TBC1D16: variants seen among roughly 807,000 people sequenced by gnomAD.
TBC1D16 encodes CTD-2529O21.1.
In TBC1D16, 58 loss-of-function variants were observed where a neutral mutation model predicts 74.7. The ratio of observed to expected loss-of-function variants is 0.78; its 90% CI spans 0.63 to 0.97. The LOEUF is 0.97. TBC1D16 is among the 50% of genes least tolerant of loss of function. TBC1D16 has a pLI of 0.00. For missense variants in TBC1D16, 1,014 were observed against 1,079.5 expected, an observed-to-expected ratio of 0.94 and a Z score of 0.85; for synonymous variants, 493 against 474.7, an observed-to-expected ratio of 1.04 and a Z score of -0.50.
chr17:79,984,449 T>C (rs1467695831), intron 3 of TBC1D16, among the ~76,000 whole-genome samples: 2 of 151,918 alleles, frequency 1.3e-5, no homozygotes, highest in Non-Finnish European at 2.9e-5. Flanking sequence ...CACCAAAAAG[T>C]TAACGGTGGT....
chr17:80,027,202 C>T (rs1471526598), intron 1 of TBC1D16, among the ~76,000 whole-genome samples: 1 of 152,352 alleles, frequency 6.6e-6, no homozygotes, highest in Admixed American at 6.5e-5. Context: ...TAGCTCATGT[C>T]TGCAATCCTA....
intron 1 of TBC1D16, among the ~76,000 whole-genome samples, chr17:80,013,992 C>CA (rs1006043617): frequency 3.7e-4 from 56 of 150,076 alleles, no homozygotes; most frequent in East Asian, 1.4e-3. Context: ...GTTTTTTTCA[C>CA]AAAAAAAAAC....
intron 3 of TBC1D16, among the ~76,000 whole-genome samples, chr17:79,970,829 TGTAC>T (rs1033862136): frequency 7.2e-6 from 1 of 139,690 alleles, no homozygotes; most frequent in Non-Finnish European, 1.6e-5. Flanking sequence ...CACCAGTCCT[TGTAC>T]GAGTCCCAGT....
chr17:79,972,700 G>A lies in TBC1D16; in HGVS notation c.780-19882C>T, dbSNP rs944006588. On this transcript the variant is annotated intron_variant, in intron 3 of 11. Transcript: ENST00000310924. Reference sequence around the variant, plus strand: ...TTAACGGGAACAGAGTTTCGGTTGGGAAGATGAAAAAGTTCTGGAGGTGGA... The same window carrying A: ...TTAACGGGAACAGAGTTTCGGTTGGAAAGATGAAAAAGTTCTGGAGGTGGA... 3.9e-5 allele frequency among the ~76,000 whole-genome samples: 6 copies of A among 152,158 alleles called. 1 individual carries two copies. The highest frequency in any genetic ancestry group is 3.3e-4 in the Admixed American group (5 of 15,274).
At position 80,035,305 on chromosome 17, in the gene TBC1D16, CG is replaced by C. The variant is rs952730202; in HGVS notation, c.-63+489del. The stretch of plus-strand genomic sequence containing the variant: ...GAACGGAAGTGAGTATCCCGACACG[CG>C]GATCTTAAACAGCCCAGACCACCAA... On this transcript the variant is annotated intron_variant, in intron 1 of 11. Coordinates refer to ENST00000310924, the MANE Select transcript of TBC1D16 (RefSeq NM_019020.4). This position sits in a 1 kb window ranked among gnomAD's most constrained non-coding sequence, Gnocchi z 5.3. 9.9e-5 allele frequency among the ~76,000 whole-genome samples: 15 copies of C among 151,524 alleles called. No individual in the cohort carries two copies. Among genetic ancestry groups the C allele is most frequent in the African/African-American group, 3.4e-4 (14 of 41,206 alleles).
rs1377577754 is a variant in TBC1D16, at chr17:79,932,460, G to C, written c.*8399C>G. The C allele has an allele frequency of 6.6e-6, 1 of 152,244 alleles. No homozygotes were observed. The highest frequency in any genetic ancestry group is 1.5e-5 in the Non-Finnish European group (1 of 68,066). 9.4% of individuals were successfully genotyped at this position (152,244 alleles called of 1,614,324 possible). On this transcript the variant is annotated 3_prime_UTR_variant, in exon 12 of 12. Coordinates refer to ENST00000310924, the MANE Select transcript of TBC1D16 (RefSeq NM_019020.4). ...TCCTCTGCCCGGTCCCCTGTAGCTA[G>C]TGTCCAGACACTGGTCACAGACCTC...
Position 79,932,660 on chromosome 17 carries a change from AC to A in TBC1D16, c.*8198del, listed in dbSNP as rs879427704. 1.3e-5 allele frequency: 2 copies of A among 152,248 alleles called. No individual in the cohort carries two copies. The highest frequency in any genetic ancestry group is 2.9e-5 in the Non-Finnish European group (2 of 68,044). 9.4% of individuals were successfully genotyped at this position (152,248 alleles called of 1,614,324 possible). On this transcript the variant is annotated 3_prime_UTR_variant, in exon 12 of 12. Transcript: ENST00000310924. ...TGTGCTTGTTCATGGCCAGGAATCA[AC>A]GAACTTTGGACAGACAATCAGTAGA...
At position 80,013,380 on chromosome 17, in the gene TBC1D16, C is replaced by T. The variant is rs1212002243; in HGVS notation, c.168G>A (p.Gly56=). Residue 56 remains glycine, a synonymous_variant, in exon 2 of 12, where the codon GGG becomes GGA. Coordinates refer to ENST00000310924, the MANE Select transcript of TBC1D16 (RefSeq NM_019020.4). The part of the protein sequence containing the change: ...VHPPEGLQGL[G]EHHPGYLCLY... The stretch of plus-strand genomic sequence containing the variant: ...GCCCTGGCTCACCTGGGTGGTGCTC[C>T]CCCAGCCCCTGCAGCCCCTCCGGCG... The T allele has an allele frequency of 6.2e-7, 1 of 1,606,334 alleles. No individual in the cohort carries two copies. The highest frequency in any genetic ancestry group is 2.2e-5 in the East Asian group (1 of 44,672).
chr17:79,982,752 G>A (rs560955949), intron 3 of TBC1D16, among the ~76,000 whole-genome samples: 7 of 152,056 alleles, frequency 4.6e-5, no homozygotes, highest in South Asian at 2.1e-4. Context: ...CCAGCTACTC[G>A]GGAGGCTGAG....
In TBC1D16 at chr17:79,950,198, GGTGTT is replaced by G. The variant is rs890238667; in HGVS notation, c.1257+208_1257+212del. Reference sequence around the variant, plus strand: ...GGTATCCCCCCAAACCCTCGAGGGAGGTGTTGTGTTTTGTTTTTTTTTTTCAACGC... The same window carrying G: ...GGTATCCCCCCAAACCCTCGAGGGAGGTGTTTTGTTTTTTTTTTTCAACGC... On this transcript the variant is annotated intron_variant, in intron 6 of 11. Transcript: ENST00000310924. This position sits in a 1 kb window ranked among gnomAD's most constrained non-coding sequence, Gnocchi z 4.6. 3.9e-5 allele frequency among the ~76,000 whole-genome samples: 6 copies of G among 152,092 alleles called. No homozygotes were observed. Among genetic ancestry groups the G allele is most frequent in the African/African-American group, 9.7e-5 (4 of 41,442 alleles).
In TBC1D16 at chr17:80,001,959, A is replaced by G. The variant is rs2035503877; in HGVS notation, c.779+8201T>C. ...CCCGGAACAAAGACGGGAAGGGCAA[A>G]GTGTGTCCTGATTCGTGTGCCACCG... On this transcript the variant is annotated intron_variant, in intron 3 of 11. Transcript: ENST00000310924. The surrounding 1 kb of genome is among the most constrained non-coding windows in gnomAD (Gnocchi z 5.8). Among the ~76,000 whole-genome samples the G allele has an allele frequency of 6.6e-6, 1 of 152,110 alleles. No individual in the cohort carries two copies. Among genetic ancestry groups the G allele is most frequent in the African/African-American group, 2.4e-5 (1 of 41,404 alleles).
chr17:79,943,486 G>T (rs1362692556), intron 10 of TBC1D16, among the ~76,000 whole-genome samples: 1 of 152,136 alleles, frequency 6.6e-6, no homozygotes, highest in African/African-American at 2.4e-5. Flanking sequence ...TCGCTCAGGG[G>T]TCACTGAACA....
intron 4 of TBC1D16, 75 bp downstream of exon 4, chr17:79,952,582 C>T (rs117194926): frequency 0.018 from 27,108 of 1,521,630 alleles, 315 homozygotes; most frequent in Non-Finnish European, 0.02. Context: ...TGCACTGCAC[C>T]GGCTGCAAAG....
In TBC1D16 at chr17:80,009,208, CT is replaced by C. The variant is rs2035787969; in HGVS notation, c.779+951del. 6.6e-6 allele frequency among the ~76,000 whole-genome samples: 1 copy of C among 152,246 alleles called. No individual in the cohort carries two copies. Among genetic ancestry groups the C allele is most frequent in the African/African-American group, 2.4e-5 (1 of 41,470 alleles). On this transcript the variant is annotated intron_variant, in intron 3 of 11. Coordinates refer to ENST00000310924, the MANE Select transcript of TBC1D16 (RefSeq NM_019020.4). The surrounding 1 kb of genome is among the most constrained non-coding windows in gnomAD (Gnocchi z 5.4). ...CACCACGAGCTCAACAGTTAATGACCTGCTCGCTGACTGATGTCGGCTCTTA... is the reference window on the plus strand; with the variant it reads ...CACCACGAGCTCAACAGTTAATGACCGCTCGCTGACTGATGTCGGCTCTTA...
At chr17:79,945,264 G>A (rs187104451) in intron 9 of TBC1D16, among the ~76,000 whole-genome samples, 177 bp from the exon 10 acceptor site, 3 of 152,296 alleles carry the variant, frequency 2.0e-5, no homozygotes, top group Admixed American at 6.5e-5. Context: ...CGCTGGAATC[G>A]GCTCACACCT....
rs2143514405 is a variant in TBC1D16, at chr17:80,035,124, C to A, written c.-63+671G>T. On this transcript the variant is annotated intron_variant, in intron 1 of 11. Coordinates refer to ENST00000310924, the MANE Select transcript of TBC1D16 (RefSeq NM_019020.4). The surrounding 1 kb of genome is among the most constrained non-coding windows in gnomAD (Gnocchi z 5.3). ...GACACCAGCTTCCGAGTGTGGGAAT[C>A]ACAGGATTTCAGGATTCAGCGGCTT... Among the ~76,000 whole-genome samples, 1 of 152,362 alleles carries A rather than the reference C, an allele frequency of 6.6e-6. No homozygotes were observed. Among genetic ancestry groups the A allele is most frequent in the African/African-American group, 2.4e-5 (1 of 41,590 alleles).
At position 79,935,923 on chromosome 17, in the gene TBC1D16, T is replaced by C. The variant is rs1204653688; in HGVS notation, c.*4936A>G. 6.6e-6 allele frequency: 1 copy of C among 152,128 alleles called. No individual in the cohort carries two copies. The highest frequency in any genetic ancestry group is 1.9e-4 in the East Asian group (1 of 5,194). The allele number at this position is 152,128 out of a possible 1,614,324, so 9.4% of individuals were successfully genotyped here. ...GATGGTTGCATGACTTGACCTCTCTTTGAACTTGAAATGCTACCTTCCTAC... is the reference window on the plus strand; with the variant it reads ...GATGGTTGCATGACTTGACCTCTCTCTGAACTTGAAATGCTACCTTCCTAC... On this transcript the variant is annotated 3_prime_UTR_variant, in exon 12 of 12. Transcript: ENST00000310924.
At chr17:79,963,063 A>AC (rs1391920643) in intron 3 of TBC1D16, among the ~76,000 whole-genome samples, 10 of 151,424 alleles carry the variant, frequency 6.6e-5, no homozygotes, top group Non-Finnish European at 1.5e-5. Context: ...AAAAAAAAAA[A>AC]AATTAGCCAG....
At chr17:80,033,336 G>C (rs1263956184) in intron 1 of TBC1D16, among the ~76,000 whole-genome samples, 4 of 150,980 alleles carry the variant, frequency 2.6e-5, no homozygotes, top group African/African-American at 7.4e-5. Flanking sequence ...AGAGGAGTTG[G>C]GGTTTTTGTT....
Sources: allele counts gnomAD v4.1 joint callset (sites outside exome capture counted in the v4.1 genomes callset), GRCh38; gene constraint gnomAD v4.1.1; non-coding constraint Gnocchi (gnomAD v3.1); transcripts MANE v1.5; gene names NCBI Gene and HGNC (gene_info 2026-07-23, HGNC 2026-07-21).